NRG1: variants seen among roughly 807,000 people sequenced by gnomAD.
NRG1 encodes the protein neuregulin 1.
Under a neutral mutation model 63.8 loss-of-function variants are expected in NRG1, and 18 were observed. The observed-to-expected ratio is 0.28, with a 90% CI of 0.19 to 0.42. NRG1 has a LOEUF of 0.42. NRG1 is among the 10% of genes least tolerant of loss of function. The probability of loss-of-function intolerance (pLI) is 1.00; values close to 1 mark genes in which losing one functional copy is unlikely to be tolerated. For missense variants in NRG1, 762 were observed against 814.7 expected (o/e 0.94, Z 0.79); for synonymous variants, 302 against 301.3 (o/e 1.00, Z -0.02).
intron 1 of NRG1, among the ~76,000 whole-genome samples, chr8:32,299,072 A>G (rs1383104873): frequency 6.6e-6 from 1 of 151,492 alleles, no homozygotes; most frequent in African/African-American, 2.4e-5. Context: ...AGCAAATACT[A>G]CCAAATTCTT....
intron 1 of NRG1, among the ~76,000 whole-genome samples, chr8:32,390,794 C>G (rs970094918): frequency 1.3e-5 from 2 of 151,986 alleles, no homozygotes; most frequent in African/African-American, 2.4e-5. Context: ...AAGGACAGAG[C>G]CTGTATTCCC....
intron 5 of NRG1, among the ~76,000 whole-genome samples, chr8:32,688,375 A>G (rs1367064282): frequency 6.6e-6 from 1 of 152,196 alleles, no homozygotes; most frequent in Non-Finnish European, 1.5e-5. Context: ...CATGGAGCAG[A>G]TACGGCCCTT....
intron 5 of NRG1, among the ~76,000 whole-genome samples, chr8:32,632,646 G>A (rs1480674320): frequency 2.0e-5 from 3 of 151,346 alleles, no homozygotes; most frequent in South Asian, 4.2e-4. Flanking sequence ...TTTAGATGTT[G>A]ATGAGAAACT....
chr8:32,092,765 C>T (rs1221333447), intron 1 of NRG1, among the ~76,000 whole-genome samples: 1 of 152,052 alleles, frequency 6.6e-6, no homozygotes, highest in Admixed American at 6.6e-5. Context: ...CCTTGAGGAC[C>T]ACGGAGATAA....
chr8:32,228,049 G>T (rs1011789013), intron 1 of NRG1, among the ~76,000 whole-genome samples: 2 of 152,086 alleles, frequency 1.3e-5, no homozygotes, highest in African/African-American at 4.8e-5. Flanking sequence ...TCCATCATTT[G>T]TTTTTCTACT....
intron 1 of NRG1, among the ~76,000 whole-genome samples, chr8:32,152,432 GT>G (rs1371973370): frequency 4.6e-5 from 7 of 152,186 alleles, no homozygotes; most frequent in Non-Finnish European, 8.8e-5. Flanking sequence ...TAAAACCTTG[GT>G]TTTAGTCATC....
chr8:31,822,069 G>A (rs1824056764), intron 1 of NRG1, among the ~76,000 whole-genome samples: 1 of 152,148 alleles, frequency 6.6e-6, no homozygotes, highest in Non-Finnish European at 1.5e-5. Context: ...AGTGAAACTT[G>A]GGGCATAATG....
intron 1 of NRG1, among the ~76,000 whole-genome samples, chr8:32,198,953 C>G (rs920361329): frequency 1.3e-5 from 2 of 151,890 alleles, no homozygotes; most frequent in Non-Finnish European, 2.9e-5. Context: ...TTCCTTCTAT[C>G]CTTTCAATAT....
intron 1 of NRG1, among the ~76,000 whole-genome samples, chr8:31,794,682 T>G (rs562697363): frequency 2.0e-5 from 3 of 152,274 alleles, no homozygotes; most frequent in Admixed American, 2.0e-4. Flanking sequence ...TTATTATTAT[T>G]GTCATAGGTA....
intron 1 of NRG1, among the ~76,000 whole-genome samples, chr8:32,188,032 T>C (rs942347638): frequency 2.0e-5 from 3 of 152,176 alleles, no homozygotes; most frequent in Admixed American, 6.5e-5. Context: ...AGCTGCAAGA[T>C]AATGTCTTAT....
In NRG1 at chr8:32,076,550, A is replaced by G. The variant is rs531348348; in HGVS notation, c.37+437119A>G. Among the ~76,000 whole-genome samples, 6 of 152,200 alleles carry G rather than the reference A, an allele frequency of 3.9e-5. No homozygotes were observed. In the East Asian group the frequency reaches 1.2e-3, roughly 29 times the overall value. On this transcript the variant is annotated intron_variant, in intron 1 of 10. Transcript: ENST00000519301. ...AAAATTCCACGGACTGTGGAACAGC[A>G]CACACTGGGGTCTATCGGAGGGTGG...
chr8:31,658,733 G>C (rs1379739339), intron 1 of NRG1, among the ~76,000 whole-genome samples: 1 of 152,212 alleles, frequency 6.6e-6, no homozygotes, highest in Non-Finnish European at 1.5e-5. Flanking sequence ...AAAGTGCTGA[G>C]ATGACAGGTA....
At chr8:32,134,653 A>G (rs371410370) in intron 1 of NRG1, among the ~76,000 whole-genome samples, 1 of 152,188 alleles carries the variant, frequency 6.6e-6, no homozygotes, top group African/African-American at 2.4e-5. Context: ...CAAGGAGCTC[A>G]CATTCATGAG....
At chr8:32,027,443 T>TC in intron 1 of NRG1, among the ~76,000 whole-genome samples, 1 of 129,274 alleles carries the variant, frequency 7.7e-6, no homozygotes, top group African/African-American at 3.2e-5. Context: ...CTTCCTTCCT[T>TC]CCTTCCTTCC....
Position 31,640,803 on chromosome 8 carries a change from C to T in NRG1, c.37+1372C>T. 7.0e-7 allele frequency: 1 copy of T among 1,430,536 alleles called. No individual in the cohort carries two copies. Among genetic ancestry groups the T allele is most frequent in the Non-Finnish European group, 9.1e-7 (1 of 1,093,078 alleles). The allele number at this position is 1,430,536 out of a possible 1,614,324, so 88.6% of individuals were successfully genotyped here. ...TCCCGGGCGCGCGGGCAGCGGGGCT[C>T]GACGGCCGCCCGAGCAAGGCAGAGG... On this transcript the variant is annotated intron_variant, in intron 1 of 10. Coordinates refer to the NRG1 transcript ENST00000519301. The surrounding 1 kb of genome is among the most constrained non-coding windows in gnomAD (Gnocchi z 6.3).
At chr8:31,820,244 C>G (rs1823875033) in intron 1 of NRG1, among the ~76,000 whole-genome samples, 2 of 152,128 alleles carry the variant, frequency 1.3e-5, no homozygotes, top group Admixed American at 6.5e-5. Flanking sequence ...AGCAGTGTTG[C>G]ACCGCATGAG....
intron 1 of NRG1, among the ~76,000 whole-genome samples, chr8:31,775,847 C>T (rs1819072426): frequency 7.2e-6 from 1 of 139,772 alleles, no homozygotes; most frequent in Admixed American, 7.4e-5. Context: ...CATGCCACCA[C>T]ACTCCAGCCT....
intron 1 of NRG1, among the ~76,000 whole-genome samples, chr8:31,915,406 G>A (rs992461215): frequency 5.3e-5 from 8 of 151,894 alleles, no homozygotes; most frequent in African/African-American, 1.9e-4. Flanking sequence ...TTAATTCCTT[G>A]GGGAATCTGT....
chr8:31,923,204 A>T (rs1227727682), intron 1 of NRG1, among the ~76,000 whole-genome samples: 5 of 152,196 alleles, frequency 3.3e-5, no homozygotes, highest in South Asian at 2.1e-4. Context: ...AGTTTTTTTT[A>T]AATCACAAGT....
Sources: allele counts gnomAD v4.1 joint callset (sites outside exome capture counted in the v4.1 genomes callset), GRCh38; gene constraint gnomAD v4.1.1; non-coding constraint Gnocchi (gnomAD v3.1); transcripts MANE v1.5; gene names NCBI Gene and HGNC (gene_info 2026-07-23, HGNC 2026-07-21).